Variants in HIP1R observed in about 807,000 individuals in gnomAD.
The protein encoded by HIP1R is huntingtin interacting protein 1 related.
A neutral mutation model predicts 144.2 loss-of-function variants in HIP1R; 135 were observed. That is an observed-to-expected ratio of 0.94 (90% CI 0.81 to 1.08). The LOEUF is 1.08. HIP1R is among the 50% of genes least tolerant of loss of function. The pLI is 0.00. For synonymous variants in HIP1R, 698 were observed against 612.8 expected, an observed-to-expected ratio of 1.14 and a Z score of -2.05; for missense variants, 1,462 against 1,432.8, an observed-to-expected ratio of 1.02 and a Z score of -0.33.
rs375128048 is a variant in HIP1R, at chr12:122,849,891, G to A, written c.374G>A (p.Arg125His). 6.9e-5 allele frequency: 112 copies of A among 1,613,006 alleles called. No individual in the cohort carries two copies. The highest frequency in any genetic ancestry group is 3.2e-4 in the Admixed American group (19 of 59,994). Reference protein sequence around the residue: ...IGDLWGHLHDRYGQLVNVYTK... With the variant: ...IGDLWGHLHDHYGQLVNVYTK... ...TTCACACAGGGACATTTGCATGACCGCTACGGACAGCTGGTGAATGTCTAC... is the reference window on the plus strand; with the variant it reads ...TTCACACAGGGACATTTGCATGACCACTACGGACAGCTGGTGAATGTCTAC... Residue 125 changes from arginine to histidine, a missense_variant, in exon 5 of 32, where the codon CGC becomes CAC. Around this residue, in one of 2 missense-constraint regions of HIP1R, gnomAD observed 350 missense variants for 421.1 expected, o/e 0.83. Coordinates refer to ENST00000253083, the MANE Select transcript of HIP1R (RefSeq NM_003959.3).
In HIP1R at chr12:122,836,435, G is replaced by T. The variant is rs77159291; in HGVS notation, c.93+792G>T. ...GGAAGGCGTTAGAAATGAAATAAGG[G>T]CGCGGGTGTGCGTTTTGTACTTGTG... On this transcript the variant is annotated intron_variant, in intron 1 of 31. Transcript: ENST00000253083. The surrounding 1 kb of genome is among the most constrained non-coding windows in gnomAD (Gnocchi z 4.1). Among the ~76,000 whole-genome samples, 6,036 of 152,170 alleles carry T rather than the reference G, an allele frequency of 0.04. 395 individuals are homozygous for T. The highest frequency in any genetic ancestry group is 0.14 in the African/African-American group (5,661 of 41,452).
At chr12:122,856,968 G>C (rs1301295017) in intron 17 of HIP1R, 53 bp from the exon 18 acceptor site, 4 of 1,508,148 alleles carry the variant, frequency 2.7e-6, no homozygotes, top group East Asian at 2.5e-5. Flanking sequence ...GGGGCAGGGT[G>C]GGTGGGGCCT....
In HIP1R at chr12:122,859,874, C is replaced by G. The variant is rs1338546435; in HGVS notation, c.2465+44C>G. 1.9e-6 allele frequency: 3 copies of G among 1,573,794 alleles called. No individual in the cohort carries two copies. In the East Asian group the frequency reaches 6.7e-5, roughly 35 times the overall value. ...CCCCCAGGCCCAGCCGAGGTGGGCT[C>G]CCCGTGGCCCCTAAGGTTCTGCCCC... On this transcript the variant is annotated intron_variant, in intron 24 of 31. Transcript: ENST00000253083.
chr12:122,835,298 G>T, upstream of HIP1R: 2 of 556,250 alleles, frequency 3.6e-6, no homozygotes, highest in Non-Finnish European at 4.7e-6. Flanking sequence ...GGGTGGGGTT[G>T]GAGGTGTGCG....
chr12:122,847,267 A>C (rs1473661525), intron 1 of HIP1R, among the ~76,000 whole-genome samples: 7 of 147,862 alleles, frequency 4.7e-5, no homozygotes, highest in African/African-American at 9.9e-5. Context: ...AGTCACGTCC[A>C]GGAAGCCTAC....
chr12:122,856,186 G>A (rs763377535), intron 14 of HIP1R, 23 bp downstream of exon 14: 1 of 1,610,780 alleles, frequency 6.2e-7, no homozygotes, highest in Non-Finnish European at 8.5e-7. Flanking sequence ...TTGGCCACAG[G>A]GGTCCAAGGG....
chr12:122,840,283 G>A lies in HIP1R; in HGVS notation c.93+4640G>A, dbSNP rs559218995. Among the ~76,000 whole-genome samples, 1 of 152,294 alleles carries A rather than the reference G, an allele frequency of 6.6e-6. No individual in the cohort carries two copies. The highest frequency in any genetic ancestry group is 1.9e-4 in the East Asian group (1 of 5,184). ...TGCCCATGACACATTCCTGAGCGCC[G>A]CTTGCTGTCTTACCATTTGGCCTGT... On this transcript the variant is annotated intron_variant, in intron 1 of 31. Transcript: ENST00000253083. This position sits in a 1 kb window ranked among gnomAD's most constrained non-coding sequence, Gnocchi z 4.2.
intron 1 of HIP1R, among the ~76,000 whole-genome samples, chr12:122,835,957 G>A (rs1337622264): frequency 6.6e-6 from 1 of 151,284 alleles, no homozygotes; most frequent in Admixed American, 6.6e-5. Context: ...CGGGAGCGCC[G>A]GAGCTGAGGC....
rs753746165 is a variant in HIP1R, at chr12:122,861,134, C to A, written c.2894C>A (p.Thr965Asn). 1 of 1,613,368 alleles carries A rather than the reference C, an allele frequency of 6.2e-7. No individual in the cohort carries two copies. The highest frequency in any genetic ancestry group is 2.2e-5 in the East Asian group (1 of 44,826). The part of the protein sequence containing the change: ...SGQEQIEDRD[T>N]MDFSGLSLIK... ...CCCCCTTGTCCTCCGGCCACAGACA[C>A]CATGGATTTCTCCGGCCTGTCCCTC... The change falls in exon 30 of 32, where the codon ACC becomes AAC. Residue 965 changes from threonine to asparagine, a missense_variant. By Grantham distance (65) the Thr-to-Asn change is moderately conservative. Coordinates refer to ENST00000253083, the MANE Select transcript of HIP1R (RefSeq NM_003959.3).
rs139943458 is a variant in HIP1R, at chr12:122,844,195, G to T, written c.94-3836G>T. Among the ~76,000 whole-genome samples the T allele has an allele frequency of 6.9e-3, 1,047 of 152,268 alleles. 14 individuals carry two copies. The highest frequency in any genetic ancestry group is 0.024 in the African/African-American group (1,003 of 41,548). On this transcript the variant is annotated intron_variant, in intron 1 of 31. Coordinates refer to ENST00000253083, the MANE Select transcript of HIP1R (RefSeq NM_003959.3). The stretch of plus-strand genomic sequence containing the variant: ...ACTCTGTTACCCAGGCTGCAGTGCA[G>T]TGGTGCTATCATGGCTCACTGCAGC...
chr12:122,861,938 T>C lies in HIP1R; in HGVS notation c.*185T>C. ...GGGTCCTGGGCCATGTGGGTGGTGCTTCTGGATGTGAGTCTCTTATTTATC... is the reference window on the plus strand; with the variant it reads ...GGGTCCTGGGCCATGTGGGTGGTGCCTCTGGATGTGAGTCTCTTATTTATC... On this transcript the variant is annotated 3_prime_UTR_variant, in exon 32 of 32. Transcript: ENST00000253083. 1.8e-6 allele frequency: 1 copy of C among 565,040 alleles called. No individual in the cohort carries two copies. The highest frequency in any genetic ancestry group is 3.1e-6 in the Non-Finnish European group (1 of 322,646). 35.0% of individuals were successfully genotyped at this position (565,040 alleles called of 1,614,324 possible). A position where few individuals can be genotyped will look rare whatever the true frequency, so the allele number is the denominator to read the frequency against.
chr12:122,836,082 C>T lies in HIP1R; in HGVS notation c.93+439C>T, dbSNP rs1007557731. Among the ~76,000 whole-genome samples, 1 of 152,090 alleles carries T rather than the reference C, an allele frequency of 6.6e-6. No homozygotes were observed. Among genetic ancestry groups the T allele is most frequent in the Non-Finnish European group, 1.5e-5 (1 of 67,966 alleles). ...GCCGGCGCGGCCCGACTGGGGTCCC[C>T]GACCTTCCGTGCCGCTCCTTGCCGG... On this transcript the variant is annotated intron_variant, in intron 1 of 31. Transcript: ENST00000253083. This position sits in a 1 kb window ranked among gnomAD's most constrained non-coding sequence, Gnocchi z 4.1.
At chr12:122,845,103 C>G (rs1297831447) in intron 1 of HIP1R, among the ~76,000 whole-genome samples, 1 of 152,248 alleles carries the variant, frequency 6.6e-6, no homozygotes, top group Non-Finnish European at 1.5e-5. Flanking sequence ...GGAGCTGCGT[C>G]AAGGACACCG....
intron 12 of HIP1R, 62 bp downstream of exon 12, chr12:122,855,674 C>T: frequency 6.5e-7 from 1 of 1,535,618 alleles, no homozygotes. Flanking sequence ...CTGAGCTGTG[C>T]TCTGGACAGT....
At chr12:122,860,357 A>AG in intron 26 of HIP1R, 66 bp from the exon 27 acceptor site, 1 of 1,581,616 alleles carries the variant, frequency 6.3e-7, no homozygotes, top group African/African-American at 1.3e-5. Flanking sequence ...AGGGCCCTTG[A>AG]GGGCCACTTT....
chr12:122,857,464 A>T lies in HIP1R; in HGVS notation c.1815+249A>T, dbSNP rs1194524868. 4 of 582,730 alleles carry T rather than the reference A, an allele frequency of 6.9e-6. No homozygotes were observed. In the African/African-American group the frequency reaches 7.5e-5, roughly 11 times the overall value. 36.1% of individuals were successfully genotyped at this position (582,730 alleles called of 1,614,324 possible). A position where few individuals can be genotyped will look rare whatever the true frequency, so the allele number is the denominator to read the frequency against. On this transcript the variant is annotated intron_variant, in intron 18 of 31. Coordinates refer to ENST00000253083, the MANE Select transcript of HIP1R (RefSeq NM_003959.3). ...CGTGTGGACAGACCACATTGTGTTT[A>T]TCTGTTCATCACTTGGTGGACATTG... is the stretch of plus-strand genomic sequence containing the variant.
intron 7 of HIP1R, among the ~76,000 whole-genome samples, chr12:122,852,714 C>T (rs2033436203): frequency 6.6e-6 from 1 of 152,158 alleles, no homozygotes; most frequent in Non-Finnish European, 1.5e-5. Context: ...GCTGTCTGTG[C>T]AGAGCAGAGA....
At position 122,855,814 on chromosome 12, in the gene HIP1R, AGGACCTCTGTCCCCAG is replaced by A; in HGVS notation, c.1056-9_1062del. Reference sequence around the variant, plus strand: ...TTCTGGTTGACTTAACTTGAACCCCAGGACCTCTGTCCCCAGGGACCTCCAGATTGAGAGCTTGAAG... The same window carrying A: ...TTCTGGTTGACTTAACTTGAACCCCAGGACCTCCAGATTGAGAGCTTGAAG... On this transcript the variant is annotated splice_acceptor_variant and splice_polypyrimidine_tract_variant and intron_variant, in intron 12 of 31. Coordinates refer to ENST00000253083, the MANE Select transcript of HIP1R (RefSeq NM_003959.3). LOFTEE classifies it high-confidence loss of function. The A allele has an allele frequency of 6.4e-7, 1 of 1,553,596 alleles. No individual in the cohort carries two copies. Among genetic ancestry groups the A allele is most frequent in the Non-Finnish European group, 8.7e-7 (1 of 1,147,410 alleles).
Position 122,836,032 on chromosome 12 carries a change from G to T in HIP1R, c.93+389G>T, listed in dbSNP as rs12820345. Among the ~76,000 whole-genome samples the T allele has an allele frequency of 0.5, 75,818 of 151,432 alleles. 19,399 individuals carry two copies. Among genetic ancestry groups the T allele is most frequent in the Middle Eastern group, 0.58 (168 of 290 alleles). On this transcript the variant is annotated intron_variant, in intron 1 of 31. Transcript: ENST00000253083. This position sits in a 1 kb window ranked among gnomAD's most constrained non-coding sequence, Gnocchi z 4.1. ...AGCCCAGCGCGCCGGGGGTCGAGGG[G>T]GCTGGGGATCCAGGTGCTCCCGGGG...
Sources: allele counts gnomAD v4.1 joint callset (sites outside exome capture counted in the v4.1 genomes callset), GRCh38; gene constraint gnomAD v4.1.1; regional missense constraint gnomAD v4.1.1; non-coding constraint Gnocchi (gnomAD v3.1); transcripts MANE v1.5; gene names NCBI Gene and HGNC (gene_info 2026-07-23, HGNC 2026-07-21).